Variants in AP1G1 observed in about 807,000 individuals in gnomAD.
The protein encoded by AP1G1 is AP-1 complex subunit gamma-1.
In AP1G1, 7 loss-of-function variants were observed where a neutral mutation model predicts 108.3. The observed-to-expected ratio is 0.06, with a 90% CI of 0.04 to 0.12. AP1G1 has a LOEUF of 0.12. Among genes scored for constraint, AP1G1 ranks in the 10% least tolerant of loss-of-function variants. AP1G1 has a pLI of 1.00. For missense variants in AP1G1, 756 were observed against 1,010.7 expected, an observed-to-expected ratio of 0.75 and a Z score of 3.42; for synonymous variants, 379 against 353.5, an observed-to-expected ratio of 1.07 and a Z score of -0.81.
chr16:71,750,135 A>C lies in AP1G1; in HGVS notation c.1407+75T>G, dbSNP rs940091410. ...TACCAAAGGGGAGAGAGGAGGGGGG[A>C]AAAAAAAGAAGAAAAACATACCAGA... On this transcript the variant is annotated intron_variant, in intron 14 of 22. Coordinates refer to ENST00000299980, the MANE Select transcript of AP1G1 (RefSeq NM_001128.6). The C allele has an allele frequency of 9.0e-6, 14 of 1,547,468 alleles. No homozygotes were observed. In the African/African-American group the frequency reaches 1.9e-4, roughly 21 times the overall value.
intron 1 of AP1G1, among the ~76,000 whole-genome samples, chr16:71,790,318 A>G (rs1465396498): frequency 3.9e-5 from 6 of 152,138 alleles, no homozygotes; most frequent in African/African-American, 7.2e-5. Flanking sequence ...AGGTGGGCGG[A>G]TCACCTGAGG....
intron 1 of AP1G1, among the ~76,000 whole-genome samples, chr16:71,807,546 C>A (rs1224841503): frequency 6.6e-6 from 1 of 152,186 alleles, no homozygotes; most frequent in African/African-American, 2.4e-5. Flanking sequence ...TCATATTTTT[C>A]AAACGTGAAA....
At position 71,734,709 on chromosome 16, in the gene AP1G1, TA is replaced by T. The variant is rs2045512239; in HGVS notation, c.2269-3del. The T allele has an allele frequency of 3.7e-6, 6 of 1,612,246 alleles. No homozygotes were observed. The highest frequency in any genetic ancestry group is 5.1e-6 in the Non-Finnish European group (6 of 1,178,356). On this transcript the variant is annotated splice_region_variant and splice_polypyrimidine_tract_variant and intron_variant, in intron 21 of 22. Coordinates refer to ENST00000299980, the MANE Select transcript of AP1G1 (RefSeq NM_001128.6). ...AGACAAGAGCTGCAGCTGGAATGTC[TA>T]GGGGGGAACAAAGGGCACTCTTCAG...
At chr16:71,790,428 T>C (rs947984758) in intron 1 of AP1G1, among the ~76,000 whole-genome samples, 1 of 150,816 alleles carries the variant, frequency 6.6e-6, no homozygotes, top group Non-Finnish European at 1.5e-5. Context: ...TAATCCCAGC[T>C]ACTCAGGAGA....
intron 19 of AP1G1, among the ~76,000 whole-genome samples, chr16:71,744,571 G>GT (rs71856788): frequency 0.69 from 78,755 of 113,898 alleles, 28,450 homozygotes; most frequent in East Asian, 0.81. Flanking sequence ...GAGAAAGTGT[G>GT]TTTTTTTTTT....
chr16:71,781,822 G>C (rs928098474), intron 2 of AP1G1, among the ~76,000 whole-genome samples: 1 of 152,160 alleles, frequency 6.6e-6, no homozygotes, highest in Admixed American at 6.5e-5. Context: ...TTGTATACTG[G>C]AAAATTTATC....
At chr16:71,804,547 G>A (rs1331869158) in intron 1 of AP1G1, among the ~76,000 whole-genome samples, 6 of 151,586 alleles carry the variant, frequency 4.0e-5, no homozygotes, top group Non-Finnish European at 8.8e-5. Flanking sequence ...AGCTGGGAAT[G>A]CAGGTGCACA....
Position 71,745,686 on chromosome 16 carries a change from C to G in AP1G1, c.1731-72G>C, listed in dbSNP as rs2030136735. 2.4e-6 allele frequency: 3 copies of G among 1,275,886 alleles called. No individual in the cohort carries two copies. The South Asian group carries it at 3.6e-5, about 15-fold the overall frequency. The allele number at this position is 1,275,886 out of a possible 1,614,324, so 79.0% of individuals were successfully genotyped here. A position where few individuals can be genotyped will look rare whatever the true frequency, so the allele number is the denominator to read the frequency against. On this transcript the variant is annotated intron_variant, in intron 17 of 22. Coordinates refer to ENST00000299980, the MANE Select transcript of AP1G1 (RefSeq NM_001128.6). ...CCCTACCCAAAATAATCACCATTAACTATGTTGAGCCCAAGCATGGAGATC... is the reference window on the plus strand; with the variant it reads ...CCCTACCCAAAATAATCACCATTAAGTATGTTGAGCCCAAGCATGGAGATC...
At chr16:71,794,864 T>TTTTTTA (rs71153663) in intron 1 of AP1G1, among the ~76,000 whole-genome samples, 1 of 121,334 alleles carries the variant, frequency 8.2e-6, no homozygotes, top group Admixed American at 9.1e-5. Flanking sequence ...TTTTTTTTTT[T>TTTTTTA]ACTTTGAAAT....
chr16:71,771,592 T>C (rs1301502304), intron 4 of AP1G1, among the ~76,000 whole-genome samples: 2 of 152,206 alleles, frequency 1.3e-5, no homozygotes, highest in Non-Finnish European at 2.9e-5. Context: ...TACTATTATA[T>C]TAAAGAGATC....
intron 10 of AP1G1, among the ~76,000 whole-genome samples, chr16:71,759,176 A>G (rs1404943969): frequency 6.6e-6 from 1 of 152,192 alleles, no homozygotes; most frequent in Non-Finnish European, 1.5e-5. Flanking sequence ...TTCTAAAAGT[A>G]GGCCGGGCAT....
chr16:71,794,864 T>TTTTTTTTTTTTTTTTTTTA (rs71153663), intron 1 of AP1G1, among the ~76,000 whole-genome samples: 1 of 121,334 alleles, frequency 8.2e-6, no homozygotes, highest in African/African-American at 3.0e-5. Flanking sequence ...TTTTTTTTTT[T>TTTTTTTTTTTTTTTTTTTA]ACTTTGAAAT....
intron 11 of AP1G1, chr16:71,758,589 T>G (rs576408349): frequency 2.5e-5 from 15 of 605,992 alleles, no homozygotes; most frequent in African/African-American, 2.4e-4. Flanking sequence ...TAAGTATTCT[T>G]ATTGGCCTCC....
intron 2 of AP1G1, chr16:71,777,818 A>G: frequency 2.6e-6 from 1 of 389,504 alleles, no homozygotes; most frequent in Non-Finnish European, 5.2e-6. Context: ...CACTGCCTCC[A>G]TGCTTTTCTC....
intron 13 of AP1G1, among the ~76,000 whole-genome samples, chr16:71,752,537 C>T (rs2030560720): frequency 6.6e-6 from 1 of 152,110 alleles, no homozygotes; most frequent in Non-Finnish European, 1.5e-5. Flanking sequence ...ACTTAATCCC[C>T]ATTTGGGGAC....
At chr16:71,743,938 T>C (rs2030008885) in intron 19 of AP1G1, among the ~76,000 whole-genome samples, 1 of 101,102 alleles carries the variant, frequency 9.9e-6, no homozygotes. Flanking sequence ...AGAGTGAGAC[T>C]CTGTCTCAAA....
At chr16:71,789,094 G>A (rs1374650240) in intron 2 of AP1G1, among the ~76,000 whole-genome samples, 185 bp downstream of exon 2, 1 of 152,210 alleles carries the variant, frequency 6.6e-6, no homozygotes, top group African/African-American at 2.4e-5. Flanking sequence ...CCAGTGGAAA[G>A]GATAATTGAT....
chr16:71,745,340 T>C, intron 18 of AP1G1, 70 bp from the exon 19 acceptor site: 1 of 1,600,332 alleles, frequency 6.2e-7, no homozygotes, highest in Non-Finnish European at 8.5e-7. Flanking sequence ...TGCAAAGCTC[T>C]TTCAATATGT....
intron 2 of AP1G1, among the ~76,000 whole-genome samples, chr16:71,782,466 AATTATTATT>A (rs112080769): frequency 6.7e-6 from 1 of 148,884 alleles, no homozygotes; most frequent in Non-Finnish European, 1.5e-5. Context: ...CCCAGCCTAC[AATTATTATT>A]ATTATTATTA....
Sources: gnomAD v4.1 joint callset for allele counts (sites outside exome capture counted in the v4.1 genomes callset) on GRCh38, gnomAD v4.1.1 for gene constraint, MANE v1.5 for transcripts, NCBI Gene and HGNC (gene_info 2026-07-23, HGNC 2026-07-21) for gene names.